FSHR: variants seen among roughly 807,000 people sequenced by gnomAD.
FSHR encodes the protein follicle stimulating hormone receptor, also known as follicle-stimulating hormone receptor.
FSHR carries 46 observed loss-of-function variants against 52.1 expected under a neutral mutation model. The observed-to-expected ratio is 0.88, with a 90% CI of 0.70 to 1.13. The LOEUF (loss-of-function observed/expected upper bound fraction) is 1.13. FSHR is among the 50% of genes most tolerant of loss of function. The pLI is 0.00. For synonymous variants in FSHR, 399 were observed against 309.6 expected (o/e 1.29, Z -3.03); for missense variants, 964 against 834.6 (o/e 1.16, Z -1.91).
chr2:49,083,374 C>T (rs550299170), intron 1 of FSHR, among the ~76,000 whole-genome samples: 1 of 151,532 alleles, frequency 6.6e-6, no homozygotes, highest in Non-Finnish European at 1.5e-5. Flanking sequence ...ACAACCGGTA[C>T]CAGCCACTGC....
chr2:49,026,556 C>A (rs970740963), intron 2 of FSHR, among the ~76,000 whole-genome samples: 1 of 152,128 alleles, frequency 6.6e-6, no homozygotes, highest in Non-Finnish European at 1.5e-5. Flanking sequence ...ATATAATAAG[C>A]ACCTTTTAGT....
Position 48,972,747 on chromosome 2 carries a change from A to T in FSHR, c.669-3864T>A, listed in dbSNP as rs191879052. Among the ~76,000 whole-genome samples, 46 of 152,374 alleles carry T rather than the reference A, an allele frequency of 3.0e-4. No homozygotes were observed. The East Asian group carries it at 8.3e-3, about 27-fold the overall frequency. On this transcript the variant is annotated intron_variant, in intron 8 of 9. Transcript: ENST00000406846. ...AAAAAAAACATTTTAGAAGTCCTTT[A>T]GGAACAATTTAGACCAAGACCATCA...
intron 2 of FSHR, among the ~76,000 whole-genome samples, chr2:49,042,846 T>C (rs899159424): frequency 6.6e-6 from 1 of 152,182 alleles, no homozygotes; most frequent in Admixed American, 6.5e-5. Flanking sequence ...CATTTTCATA[T>C]AAATAGAGGA....
At chr2:49,057,165 T>A (rs1028656538) in intron 2 of FSHR, among the ~76,000 whole-genome samples, 1 of 151,544 alleles carries the variant, frequency 6.6e-6, no homozygotes, top group Non-Finnish European at 1.5e-5. Flanking sequence ...ATAATAAATA[T>A]CAGAGCAGAA....
intron 1 of FSHR, among the ~76,000 whole-genome samples, chr2:49,109,631 G>T (rs1352211020): frequency 2.0e-5 from 3 of 152,056 alleles, no homozygotes; most frequent in Non-Finnish European, 2.9e-5. Context: ...CATACTGAGA[G>T]CTGGTCAAAT....
rs1558456543 is a variant in FSHR at position 49,127,820 on chromosome 2, CTTCT to C, written c.152+26442_152+26445del. Among the ~76,000 whole-genome samples the C allele has an allele frequency of 7.2e-4, 37 of 51,478 alleles. 1 individual carries two copies. The highest frequency in any genetic ancestry group is 1.1e-3 in the East Asian group (1 of 906). The allele number at this position is 51,478 out of a possible 152,430, so 33.8% of individuals were successfully genotyped here. A position where few individuals can be genotyped will look rare whatever the true frequency, so the allele number is the denominator to read the frequency against. ...TCTTCTTCTTCTTCTTCTTCTTCTT[CTTCT>C]TCTTCCTCTTCTTCTTCTTCTTCTT... On this transcript the variant is annotated intron_variant, in intron 1 of 9. Coordinates refer to ENST00000406846, the MANE Select transcript of FSHR (RefSeq NM_000145.4).
Position 49,016,620 on chromosome 2 carries a change from G to T in FSHR, c.374+869C>A, listed in dbSNP as rs374864214. ...TAGATGTATAAATGAACTTAGCTGA[G>T]GTCAGGCAGACCTAGTCCAGATCAG... On this transcript the variant is annotated intron_variant, in intron 4 of 9. Transcript: ENST00000406846. 5.3e-5 allele frequency among the ~76,000 whole-genome samples: 8 copies of T among 152,132 alleles called. No individual in the cohort carries two copies. The East Asian group carries it at 1.2e-3, about 22-fold the overall frequency.
intron 1 of FSHR, among the ~76,000 whole-genome samples, chr2:49,074,124 G>C (rs1371576581): frequency 6.6e-6 from 1 of 151,948 alleles, no homozygotes; most frequent in Non-Finnish European, 1.5e-5. Context: ...GCATTGGTCT[G>C]GGAAAAGGTT....
chr2:49,083,838 C>T lies in FSHR; in HGVS notation c.153-15548G>A, dbSNP rs868353653. Among the ~76,000 whole-genome samples, 1,333 of 147,558 alleles carry T rather than the reference C, an allele frequency of 9.0e-3. 35 individuals carry two copies. Among genetic ancestry groups the T allele is most frequent in the Middle Eastern group, 0.034 (10 of 294 alleles). ...CACCCAATACAGGAGCACCCAGATG[C>T]ATAAAGCAAGTCCTGAGTGACCTAC... On this transcript the variant is annotated intron_variant, in intron 1 of 9. Coordinates refer to ENST00000406846, the MANE Select transcript of FSHR (RefSeq NM_000145.4).
chr2:48,972,804 A>C (rs1240403841), intron 8 of FSHR, among the ~76,000 whole-genome samples: 2 of 152,208 alleles, frequency 1.3e-5, no homozygotes, highest in Non-Finnish European at 2.9e-5. Flanking sequence ...CACATTTTTC[A>C]AAACGAGCAA....
intron 6 of FSHR, among the ~76,000 whole-genome samples, chr2:48,986,045 C>A (rs1391592990): frequency 6.6e-6 from 1 of 152,180 alleles, no homozygotes; most frequent in African/African-American, 2.4e-5. Flanking sequence ...AGGTAGTCTG[C>A]ACGTCATGGG....
At chr2:49,083,316 G>A (rs1670248459) in intron 1 of FSHR, among the ~76,000 whole-genome samples, 1 of 149,136 alleles carries the variant, frequency 6.7e-6, no homozygotes, top group Non-Finnish European at 1.5e-5. Flanking sequence ...GTCACCACCA[G>A]GCCTGCCCTA....
intron 1 of FSHR, among the ~76,000 whole-genome samples, chr2:49,137,799 C>G (rs990852683): frequency 2.0e-5 from 3 of 151,934 alleles, no homozygotes; most frequent in African/African-American, 7.2e-5. Context: ...CAAGAATTAA[C>G]TAAAAATGGA....
intron 8 of FSHR, among the ~76,000 whole-genome samples, chr2:48,971,570 T>TGC (rs1245053043): frequency 6.6e-6 from 1 of 152,208 alleles, no homozygotes; most frequent in Non-Finnish European, 1.5e-5. Flanking sequence ...TAGGTGTGTG[T>TGC]GCATTTGTAT....
At chr2:49,114,768 A>C (rs2103762676) in intron 1 of FSHR, among the ~76,000 whole-genome samples, 1 of 152,232 alleles carries the variant, frequency 6.6e-6, no homozygotes, top group African/African-American at 2.4e-5. Flanking sequence ...AAACTGAGGC[A>C]CCCAGAATTC....
intron 4 of FSHR, among the ~76,000 whole-genome samples, chr2:49,013,318 A>G (rs1667345736): frequency 1.3e-5 from 2 of 151,638 alleles, no homozygotes. Flanking sequence ...CAAGCTAACT[A>G]GTGTGAGGTG....
At chr2:49,016,090 A>G (rs1667482236) in intron 4 of FSHR, among the ~76,000 whole-genome samples, 1 of 152,208 alleles carries the variant, frequency 6.6e-6, no homozygotes, top group African/African-American at 2.4e-5. Context: ...GCTAAGGCAC[A>G]TGATGGCCCA....
At chr2:48,972,791 T>G (rs1191292733) in intron 8 of FSHR, among the ~76,000 whole-genome samples, 1 of 152,208 alleles carries the variant, frequency 6.6e-6, no homozygotes, top group African/African-American at 2.4e-5. Flanking sequence ...CATGAACATT[T>G]TTCACATTTT....
At chr2:49,127,303 G>C (rs889085475) in intron 1 of FSHR, among the ~76,000 whole-genome samples, 1 of 150,164 alleles carries the variant, frequency 6.7e-6, no homozygotes, top group African/African-American at 2.5e-5. Flanking sequence ...ACTCCACCCT[G>C]GACAACAGAG....
Sources: allele counts gnomAD v4.1 joint callset (sites outside exome capture counted in the v4.1 genomes callset), GRCh38; gene constraint gnomAD v4.1.1; transcripts MANE v1.5; gene names NCBI Gene and HGNC (gene_info 2026-07-23, HGNC 2026-07-21).